Variants in CLDN16 observed in about 807,000 individuals in gnomAD.
The protein encoded by CLDN16 is claudin 16, also known as claudin-16.
Under a neutral mutation model 24.6 loss-of-function variants are expected in CLDN16, and 13 were observed. The ratio of observed to expected loss-of-function variants is 0.53; its 90% CI spans 0.34 to 0.84. The LOEUF (loss-of-function observed/expected upper bound fraction) is 0.84. Ranked by LOEUF, CLDN16 falls within the 40% of genes least tolerant of loss-of-function variation. The probability of loss-of-function intolerance (pLI) is 0.01; values close to 1 mark genes in which losing one functional copy is unlikely to be tolerated. For synonymous variants in CLDN16, 116 were observed against 106.7 expected (o/e 1.09, Z -0.54); for missense variants, 298 against 292.7 (o/e 1.02, Z -0.13).
At chr3:190,322,065 C>T (rs1560077292), upstream of CLDN16, 2 of 1,614,224 alleles carry the variant, frequency 1.2e-6, no homozygotes, top group South Asian at 1.1e-5. Flanking sequence ...CACAGCCCCT[C>T]GTACATGGCC....
upstream of CLDN16, chr3:190,321,969 T>TG (rs759281475): frequency 6.8e-6 from 11 of 1,608,484 alleles, no homozygotes; most frequent in Admixed American, 1.5e-4. Flanking sequence ...CGCTGTGAGG[T>TG]GGGGGTGCAC....
intron 1 of CLDN16, among the ~76,000 whole-genome samples, chr3:190,362,825 C>A (rs1437210016): frequency 6.6e-6 from 1 of 151,922 alleles, no homozygotes; most frequent in African/African-American, 2.4e-5. Flanking sequence ...GTATTTATAT[C>A]TCTGTCTCCC....
At chr3:190,318,625 C>A (rs1035493374), upstream of CLDN16, among the ~76,000 whole-genome samples, 1 of 152,216 alleles carries the variant, frequency 6.6e-6, no homozygotes, top group African/African-American at 2.4e-5. Flanking sequence ...ACAGTAAGAA[C>A]AGAGAATTTC....
intron 1 of CLDN16, among the ~76,000 whole-genome samples, chr3:190,400,270 C>T (rs922434947): frequency 9.9e-5 from 15 of 151,980 alleles, no homozygotes; most frequent in Admixed American, 6.6e-5. Flanking sequence ...GACGGAATCT[C>T]GCTCTGTCGC....
intron 1 of CLDN16, among the ~76,000 whole-genome samples, chr3:190,326,244 A>G (rs938125931): frequency 3.3e-5 from 5 of 152,202 alleles, no homozygotes; most frequent in East Asian, 1.9e-4. Context: ...TATTATTTCA[A>G]GCAGATCAGA....
Position 190,360,974 on chromosome 3 carries a change from C to G in CLDN16, n.122-9919C>G, listed in dbSNP as rs192043768. Among the ~76,000 whole-genome samples the G allele has an allele frequency of 3.8e-4, 58 of 152,044 alleles. 1 individual carries two copies. The East Asian group carries it at 8.5e-3, about 22-fold the overall frequency. On this transcript the variant is annotated intron_variant and non_coding_transcript_variant, in intron 1 of 4. Transcript: ENST00000468220. The stretch of plus-strand genomic sequence containing the variant: ...AACTCCATAATACGTTGTTATTGTA[C>G]TTGCTTTAAACCATAAAATTATTTT...
chr3:190,303,973 G>A, the CLDN16 span, among the ~76,000 whole-genome samples: 1 of 152,256 alleles, frequency 6.6e-6, no homozygotes, highest in African/African-American at 2.4e-5. Flanking sequence ...AATCTATTAA[G>A]TGCCTGGATG....
intron 1 of CLDN16, among the ~76,000 whole-genome samples, chr3:190,367,337 C>A (rs1301159096): frequency 6.6e-6 from 1 of 151,864 alleles, no homozygotes; most frequent in Admixed American, 6.6e-5. Flanking sequence ...ATAGTTGATA[C>A]TTAATATTCA....
chr3:190,296,555 T>G, the CLDN16 span, among the ~76,000 whole-genome samples: 2 of 150,408 alleles, frequency 1.3e-5, no homozygotes, highest in South Asian at 4.2e-4. Context: ...TTAATTTTTT[T>G]TTTTTTTTTT....
At chr3:190,334,786 G>A (rs542187711) in intron 1 of CLDN16, among the ~76,000 whole-genome samples, 1 of 152,264 alleles carries the variant, frequency 6.6e-6, no homozygotes, top group Non-Finnish European at 1.5e-5. Flanking sequence ...CCCTTGGCTA[G>A]TGAGAGCCAT....
chr3:190,343,540 A>G (rs77725511), intron 1 of CLDN16, among the ~76,000 whole-genome samples: 2,276 of 152,296 alleles, frequency 0.015, 54 homozygotes, highest in East Asian at 0.1. Context: ...TACCTAAGAT[A>G]CAGAAACAAC....
At chr3:190,291,045 G>A in the CLDN16 span, among the ~76,000 whole-genome samples, 1 of 152,168 alleles carries the variant, frequency 6.6e-6, no homozygotes, top group African/African-American at 2.4e-5. Context: ...CTTCTTGGAT[G>A]AGGTGACATT....
Position 190,411,267 on chromosome 3 carries a change from A to AAAAT in CLDN16, c.*1249_*1252dup, listed in dbSNP as rs901970657. 7 of 152,202 alleles carry AAAAT rather than the reference A, an allele frequency of 4.6e-5. No homozygotes were observed. Among genetic ancestry groups the AAAAT allele is most frequent in the Admixed American group, 3.3e-4 (5 of 15,274 alleles). The allele number at this position is 152,202 out of a possible 1,614,324, so 9.4% of individuals were successfully genotyped here. A position where few individuals can be genotyped will look rare whatever the true frequency, so the allele number is the denominator to read the frequency against. ...GAGCGAGACTCCATCTCAAAAAACA[A>AAAAT]AAATAAATAAATAAATAAATATTCT... On this transcript the variant is annotated 3_prime_UTR_variant, in exon 5 of 5. Transcript: ENST00000264734.
chr3:190,351,085 T>C (rs1233684216), intron 1 of CLDN16, among the ~76,000 whole-genome samples: 1 of 151,832 alleles, frequency 6.6e-6, no homozygotes, highest in Non-Finnish European at 1.5e-5. Context: ...TCGTGGGAAA[T>C]CCGGTTGTGT....
intron 1 of CLDN16, among the ~76,000 whole-genome samples, chr3:190,327,811 GAATTAGTGA>G (rs1717099954): frequency 6.6e-6 from 1 of 152,174 alleles, no homozygotes; most frequent in South Asian, 2.1e-4. Flanking sequence ...GTAACTAACG[GAATTAGTGA>G]ACAGATGGAT....
chr3:190,384,238 T>C (rs1321014682), upstream of CLDN16, among the ~76,000 whole-genome samples: 1 of 152,188 alleles, frequency 6.6e-6, no homozygotes, highest in Admixed American at 6.6e-5. Context: ...GGATATGGTA[T>C]AAGTCAGTTT....
At chr3:190,321,281 A>G (rs1481760074), upstream of CLDN16, among the ~76,000 whole-genome samples, 1 of 152,128 alleles carries the variant, frequency 6.6e-6, no homozygotes, top group African/African-American at 2.4e-5. Context: ...CCTGCCACCA[A>G]CCTTCTCTTT....
At chr3:190,353,257 A>T (rs576466055) in intron 1 of CLDN16, among the ~76,000 whole-genome samples, 1 of 152,186 alleles carries the variant, frequency 6.6e-6, no homozygotes, top group East Asian at 1.9e-4. Context: ...ATTTACTTTC[A>T]CAACCCCTTA....
chr3:190,410,336 C>G lies in CLDN16; in HGVS notation c.*300C>G, dbSNP rs1287399767. ...TCTATATAGCTATTAGAGATTATGA[C>G]ATAGTAATATTAAAATGAAATGATA... On this transcript the variant is annotated 3_prime_UTR_variant, in exon 5 of 5. Coordinates refer to ENST00000264734, the MANE Select transcript of CLDN16 (RefSeq NM_006580.4). The G allele has an allele frequency of 1.1e-5, 3 of 280,126 alleles. No homozygotes were observed. The highest frequency in any genetic ancestry group is 6.6e-5 in the African/African-American group (3 of 45,542). The allele number at this position is 280,126 out of a possible 1,614,324, so 17.4% of individuals were successfully genotyped here.
Sources: allele counts gnomAD v4.1 joint callset (sites outside exome capture counted in the v4.1 genomes callset), GRCh38; gene constraint gnomAD v4.1.1; transcripts MANE v1.5; gene names NCBI Gene and HGNC (gene_info 2026-07-23, HGNC 2026-07-21).